LRP1B: variants seen among roughly 807,000 people sequenced by gnomAD.
The protein encoded by LRP1B is LDL receptor related protein 1B.
In LRP1B, 217 loss-of-function variants were observed where a neutral mutation model predicts 556.6. The observed-to-expected ratio is 0.39, with a 90% confidence interval of 0.35 to 0.44. The LOEUF (loss-of-function observed/expected upper bound fraction) is 0.44. LRP1B is among the 20% of genes least tolerant of loss of function. The pLI, the probability that LRP1B is intolerant of heterozygous loss-of-function variation, is 1.00. For missense variants in LRP1B, 5,053 were observed against 5,620.8 expected, an observed-to-expected ratio of 0.90 and a Z score of 3.23; for synonymous variants, 2,047 against 1,865.8, an observed-to-expected ratio of 1.10 and a Z score of -2.50.
At chr2:141,510,114 C>T (rs1331450151) in intron 2 of LRP1B, among the ~76,000 whole-genome samples, 1 of 151,104 alleles carries the variant, frequency 6.6e-6, no homozygotes, top group Non-Finnish European at 1.5e-5. Flanking sequence ...AAATCTCAAC[C>T]ATAAAGCAAA....
At chr2:140,800,658 A>G (rs1475012160) in intron 32 of LRP1B, among the ~76,000 whole-genome samples, 2 of 151,698 alleles carry the variant, frequency 1.3e-5, no homozygotes, top group African/African-American at 4.8e-5. Flanking sequence ...AGAACCCAAT[A>G]CTCTCTACAA....
Position 140,541,833 on chromosome 2 carries a change from C to G in LRP1B, c.7333G>C (p.Asp2445His), listed in dbSNP as rs201587960. 1 of 1,612,552 alleles carries G rather than the reference C, an allele frequency of 6.2e-7. No individual in the cohort carries two copies. The highest frequency in any genetic ancestry group is 8.5e-7 in the Non-Finnish European group (1 of 1,178,982). ...ATTCCCATTGGCTGATGTGGAATAT[C>G]GGAACGAAGAATTTTTGTATCTCCT... is the stretch of plus-strand genomic sequence containing the variant. ...TGGDTKILRS[D>H]IPHQPMGIIA... is the part of the protein sequence containing the mutation. The change falls in exon 44 of 91, where the codon GAT becomes CAT. Residue 2445 changes from aspartate to histidine, a missense_variant. Coordinates refer to ENST00000389484, the MANE Select transcript of LRP1B (RefSeq NM_018557.3).
chr2:140,583,824 T>C (rs2105144706), intron 43 of LRP1B, among the ~76,000 whole-genome samples: 2 of 152,226 alleles, frequency 1.3e-5, no homozygotes, highest in Admixed American at 1.3e-4. Context: ...TATAATAACA[T>C]TTTAAATCAA....
Position 140,557,183 on chromosome 2 carries a change from C to T in LRP1B, c.7195-15212G>A, listed in dbSNP as rs534384234. Among the ~76,000 whole-genome samples, 63 of 152,128 alleles carry T rather than the reference C, an allele frequency of 4.1e-4. 1 individual carries two copies. The highest frequency in any genetic ancestry group is 7.6e-4 in the Non-Finnish European group (52 of 68,002). On this transcript the variant is annotated intron_variant, in intron 43 of 90. Coordinates refer to ENST00000389484, the MANE Select transcript of LRP1B (RefSeq NM_018557.3). ...ACAATAATTATGCATACATTACTTC[C>T]CACCTTCAACTCCCAACAATTTTCT...
intron 28 of LRP1B, among the ~76,000 whole-genome samples, chr2:140,851,257 T>C (rs2105120287): frequency 6.6e-6 from 1 of 152,198 alleles, no homozygotes; most frequent in Middle Eastern, 3.4e-3. Flanking sequence ...GATGCTAGAG[T>C]GACTTTAGAA....
chr2:140,332,819 G>T (rs16843793), intron 79 of LRP1B, among the ~76,000 whole-genome samples: 11,561 of 151,994 alleles, frequency 0.076, 488 homozygotes, highest in Middle Eastern at 0.13. Flanking sequence ...TTAGGCACTC[G>T]CCTAAGTACC....
At chr2:140,397,754 T>G (rs1187910281) in intron 66 of LRP1B, among the ~76,000 whole-genome samples, 2 of 152,136 alleles carry the variant, frequency 1.3e-5, no homozygotes, top group Admixed American at 6.6e-5. Flanking sequence ...TTTTTTCCAA[T>G]TCGAATAAGA....
At chr2:140,474,858 A>C (rs1448617651) in intron 60 of LRP1B, among the ~76,000 whole-genome samples, 1 of 151,970 alleles carries the variant, frequency 6.6e-6, no homozygotes, top group East Asian at 1.9e-4. Flanking sequence ...GTTGGGATGC[A>C]TGTGGATATT....
chr2:140,635,967 C>T (rs1003100071), intron 41 of LRP1B, among the ~76,000 whole-genome samples: 9 of 152,158 alleles, frequency 5.9e-5, no homozygotes, highest in Non-Finnish European at 8.8e-5. Flanking sequence ...TCTTTCCAGC[C>T]TAGCCATTTC....
intron 2 of LRP1B, among the ~76,000 whole-genome samples, chr2:141,510,492 C>T (rs4408668): frequency 0.76 from 115,536 of 151,944 alleles, 44,467 homozygotes; most frequent in East Asian, 0.91. Flanking sequence ...TATTATCGCA[C>T]ACCTTTTTCC....
chr2:140,727,088 G>C (rs1232158230), intron 35 of LRP1B, among the ~76,000 whole-genome samples: 4 of 151,976 alleles, frequency 2.6e-5, no homozygotes, highest in Admixed American at 2.0e-4. Context: ...ATTTTTATCT[G>C]TGTGTATATT....
Position 140,748,357 on chromosome 2 carries a change from ATATATATT to A in LRP1B, c.5758+20848_5758+20855del, listed in dbSNP as rs1688410434. ...TATTCATATATTATATTCATATATA[ATATATATT>A]TATATATGTATATATATTCATATAT... On this transcript the variant is annotated intron_variant, in intron 35 of 90. Transcript: ENST00000389484. Among the ~76,000 whole-genome samples, 7 of 86,096 alleles carry A rather than the reference ATATATATT, an allele frequency of 8.1e-5. 1 individual carries two copies. The highest frequency in any genetic ancestry group is 2.3e-4 in the African/African-American group (5 of 21,294). 56.5% of individuals were successfully genotyped at this position (86,096 alleles called of 152,430 possible).
At chr2:141,313,569 C>A (rs1240566170) in intron 3 of LRP1B, among the ~76,000 whole-genome samples, 4 of 151,870 alleles carry the variant, frequency 2.6e-5, no homozygotes, top group African/African-American at 9.7e-5. Flanking sequence ...TCTTTTTTTC[C>A]CTCTCTTTTA....
intron 35 of LRP1B, among the ~76,000 whole-genome samples, chr2:140,728,413 G>C (rs1181804263): frequency 2.0e-5 from 3 of 152,118 alleles, no homozygotes; most frequent in Non-Finnish European, 2.9e-5. Flanking sequence ...GCTCCAAGGA[G>C]AAATTTTTTT....
At chr2:140,669,819 T>C (rs956012021) in intron 41 of LRP1B, among the ~76,000 whole-genome samples, 1 of 152,248 alleles carries the variant, frequency 6.6e-6, no homozygotes, top group Admixed American at 6.5e-5. Context: ...CGTCCATGTC[T>C]TATACAATAT....
intron 8 of LRP1B, among the ~76,000 whole-genome samples, chr2:141,059,985 G>A (rs1052736280): frequency 2.0e-5 from 3 of 151,586 alleles, no homozygotes; most frequent in Admixed American, 6.6e-5. Flanking sequence ...CACTACTTTC[G>A]GCATTATATT....
chr2:140,882,488 A>C (rs1324233240), intron 25 of LRP1B, among the ~76,000 whole-genome samples: 2 of 152,196 alleles, frequency 1.3e-5, no homozygotes, highest in Non-Finnish European at 2.9e-5. Context: ...TATTTTACAA[A>C]AGAAGGCAGA....
At chr2:141,333,591 C>T (rs928672458) in intron 3 of LRP1B, among the ~76,000 whole-genome samples, 1 of 152,180 alleles carries the variant, frequency 6.6e-6, no homozygotes, top group African/African-American at 2.4e-5. Flanking sequence ...TATGTTTGCT[C>T]TTTCAATTTA....
At chr2:140,717,673 G>A (rs973158503) in intron 35 of LRP1B, among the ~76,000 whole-genome samples, 2 of 152,056 alleles carry the variant, frequency 1.3e-5, no homozygotes, top group African/African-American at 2.4e-5. Context: ...AACTAAGTAC[G>A]TTTTTGTGTT....
Sources: gnomAD v4.1 joint callset for allele counts (sites outside exome capture counted in the v4.1 genomes callset) on GRCh38, gnomAD v4.1.1 for gene constraint, MANE v1.5 for transcripts, NCBI Gene and HGNC (gene_info 2026-07-23, HGNC 2026-07-21) for gene names.